Variants in SLC44A3 observed in about 807,000 individuals in gnomAD.
SLC44A3 encodes choline transporter-like protein 3.
A neutral mutation model predicts 75.4 loss-of-function variants in SLC44A3; 74 were observed. That is an observed-to-expected ratio of 0.98 (90% CI 0.81 to 1.19). The LOEUF is 1.19. SLC44A3 is among the 50% of genes most tolerant of loss of function. The probability of loss-of-function intolerance (pLI) is 0.00; values close to 1 mark genes in which losing one functional copy is unlikely to be tolerated. For missense variants in SLC44A3, 700 were observed against 778.6 expected (o/e 0.90, Z 1.20); for synonymous variants, 310 against 296.9 (o/e 1.04, Z -0.45).
At chr1:94,879,041 C>T (rs887801103) in intron 12 of SLC44A3, among the ~76,000 whole-genome samples, 2 of 152,070 alleles carry the variant, frequency 1.3e-5, no homozygotes, top group Non-Finnish European at 2.9e-5. Context: ...ACACCAACAG[C>T]ACAGGCAACA....
At chr1:94,878,505 T>A (rs891987388) in intron 12 of SLC44A3, among the ~76,000 whole-genome samples, 1 of 152,088 alleles carries the variant, frequency 6.6e-6, no homozygotes, top group Non-Finnish European at 1.5e-5. Flanking sequence ...GAAAAATAAA[T>A]ACTAACTCAA....
chr1:94,887,053 T>C (rs1410577579), intron 12 of SLC44A3, among the ~76,000 whole-genome samples: 1 of 152,032 alleles, frequency 6.6e-6, no homozygotes, highest in East Asian at 1.9e-4. Flanking sequence ...TAGGATCTCT[T>C]AACTTCCACA....
intron 12 of SLC44A3, 65 bp from the exon 13 acceptor site, chr1:94,891,065 T>A: frequency 4.1e-6 from 6 of 1,448,992 alleles, no homozygotes; most frequent in Non-Finnish European, 5.6e-6. Context: ...CACTCTGTAT[T>A]AATATATTGC....
At chr1:94,826,115 A>G (rs1002708948) in intron 3 of SLC44A3, among the ~76,000 whole-genome samples, 2 of 152,250 alleles carry the variant, frequency 1.3e-5, no homozygotes. Context: ...TGTCATGCCA[A>G]GTGAAATAAA....
intron 12 of SLC44A3, among the ~76,000 whole-genome samples, chr1:94,877,184 T>A (rs1453271491): frequency 7.5e-6 from 1 of 133,050 alleles, no homozygotes; most frequent in Non-Finnish European, 1.7e-5. Context: ...TAGACCTTTG[T>A]TTCCTCTTCC....
intron 5 of SLC44A3, among the ~76,000 whole-genome samples, chr1:94,831,476 G>A (rs766566353): frequency 4.6e-5 from 7 of 152,232 alleles, no homozygotes; most frequent in East Asian, 3.9e-4. Context: ...CTCGTCTGTC[G>A]GTCATGTGAG....
chr1:94,851,844 C>T (rs1243595501), intron 9 of SLC44A3, among the ~76,000 whole-genome samples: 1 of 152,246 alleles, frequency 6.6e-6, no homozygotes, highest in African/African-American at 2.4e-5. Context: ...CAAATTAGGC[C>T]TGCTTCCCTT....
intron 12 of SLC44A3, among the ~76,000 whole-genome samples, chr1:94,889,594 T>C (rs1483947112): frequency 6.6e-6 from 1 of 152,032 alleles, no homozygotes; most frequent in Non-Finnish European, 1.5e-5. Flanking sequence ...TCTGAGAATT[T>C]ATGCTTAAGA....
chr1:94,833,002 A>G (rs1196969441), intron 5 of SLC44A3, among the ~76,000 whole-genome samples: 2 of 151,592 alleles, frequency 1.3e-5, no homozygotes, highest in Non-Finnish European at 2.9e-5. Flanking sequence ...TATTCAGCCC[A>G]ATGTGATAAA....
At chr1:94,837,621 C>A in intron 5 of SLC44A3, 90 bp from the exon 6 acceptor site, 1 of 1,334,874 alleles carries the variant, frequency 7.5e-7, no homozygotes, top group Non-Finnish European at 1.0e-6. Context: ...AGTTCTTAAG[C>A]TTTTTTGGTT....
chr1:94,880,903 C>A (rs77167189), intron 12 of SLC44A3, among the ~76,000 whole-genome samples: 415 of 140,404 alleles, frequency 3.0e-3, no homozygotes, highest in Middle Eastern at 3.6e-3. Context: ...TTTTTAATGA[C>A]AAAAAAAAAA....
intron 5 of SLC44A3, among the ~76,000 whole-genome samples, chr1:94,835,830 G>A (rs558782173): frequency 2.0e-4 from 31 of 152,314 alleles, no homozygotes; most frequent in African/African-American, 7.5e-4. Flanking sequence ...AAAATCATGG[G>A]TGCCTGTGAG....
intron 7 of SLC44A3, among the ~76,000 whole-genome samples, chr1:94,841,340 C>T (rs1205225451): frequency 1.3e-5 from 2 of 152,048 alleles, no homozygotes; most frequent in African/African-American, 2.4e-5. Context: ...GTTTCTTTCC[C>T]CTGAGTCATC....
intron 9 of SLC44A3, among the ~76,000 whole-genome samples, chr1:94,853,500 G>C (rs1262542056): frequency 1.3e-5 from 2 of 152,048 alleles, no homozygotes; most frequent in East Asian, 3.9e-4. Context: ...TGATGAAGAG[G>C]GTGAAAATTA....
chr1:94,892,834 C>G (rs1317974540), intron 14 of SLC44A3, among the ~76,000 whole-genome samples: 1 of 152,180 alleles, frequency 6.6e-6, no homozygotes, highest in Non-Finnish European at 1.5e-5. Context: ...CCCTTTGGTG[C>G]TCATGGCATG....
intron 9 of SLC44A3, among the ~76,000 whole-genome samples, chr1:94,850,934 C>G (rs1017290570): frequency 2.0e-5 from 3 of 151,874 alleles, no homozygotes; most frequent in African/African-American, 7.3e-5. Context: ...TGCTAGTGGC[C>G]CAGTCTTGTT....
At chr1:94,845,824 C>A (rs1271974209) in intron 9 of SLC44A3, among the ~76,000 whole-genome samples, 5 of 152,186 alleles carry the variant, frequency 3.3e-5, no homozygotes, top group Non-Finnish European at 5.9e-5. Context: ...CAGTAGGTGA[C>A]AAAGAAGAAC....
At chr1:94,829,231 C>T (rs1315232359) in intron 5 of SLC44A3, among the ~76,000 whole-genome samples, 2 of 151,496 alleles carry the variant, frequency 1.3e-5, no homozygotes, top group African/African-American at 2.4e-5. Context: ...TGCAGTGAGC[C>T]GAGATCGCGA....
intron 5 of SLC44A3, among the ~76,000 whole-genome samples, chr1:94,834,226 AGGTTC>A (rs1461664966): frequency 4.0e-5 from 4 of 99,788 alleles, no homozygotes; most frequent in African/African-American, 1.4e-4. Context: ...GAGAAATGGC[AGGTTC>A]TAGGACTTGG....
Sources: gnomAD v4.1 joint callset for allele counts (sites outside exome capture counted in the v4.1 genomes callset) on GRCh38, gnomAD v4.1.1 for gene constraint, MANE v1.5 for transcripts, NCBI Gene and HGNC (gene_info 2026-07-23, HGNC 2026-07-21) for gene names.